SLC4A9: variants seen among roughly 807,000 people sequenced by gnomAD.
SLC4A9 encodes anion exchange protein 4.
Under a neutral mutation model 103.2 loss-of-function variants are expected in SLC4A9, and 102 were observed. That is an observed-to-expected ratio of 0.99 (90% confidence interval 0.84 to 1.17). The LOEUF is 1.17. Among genes scored for constraint, SLC4A9 ranks in the 50% most tolerant of loss-of-function variants. SLC4A9 has a pLI of 0.00. For synonymous variants in SLC4A9, 453 were observed against 483.6 expected, an observed-to-expected ratio of 0.94 and a Z score of 0.83; for missense variants, 1,091 against 1,193.7, an observed-to-expected ratio of 0.91 and a Z score of 1.27.
chr5:140,360,840 G>A lies in SLC4A9; in HGVS notation c.259G>A (p.Val87Met). ...GGTACTGTTTGAGGAGAAGTTGGAGGTGGCTGCAGGCCGGTGGAGTGCCCC... is the reference window on the plus strand; with the variant it reads ...GGTACTGTTTGAGGAGAAGTTGGAGATGGCTGCAGGCCGGTGGAGTGCCCC... ...RWVLFEEKLE[V>M]AAGRWSAPHV... Residue 87 changes from valine to methionine, a missense_variant, in exon 2 of 22, where the codon GTG (valine) becomes ATG (methionine). By Grantham distance (21) the Val-to-Met change is conservative. Coordinates refer to ENST00000506757, the MANE Select transcript of SLC4A9 (RefSeq NM_031467.3). 3 of 1,613,406 alleles carry A rather than the reference G, an allele frequency of 1.9e-6. No homozygotes were observed. The highest frequency in any genetic ancestry group is 4.5e-5 in the East Asian group (2 of 44,862).
In SLC4A9 at chr5:140,372,889, C is replaced by T. The variant is rs112957633; in HGVS notation, c.*45+46C>T. On this transcript the variant is annotated intron_variant, in intron 21 of 21. Transcript: ENST00000506757. ...CTCCTGATGTTGAGGATGGGAGGTG[C>T]GGGTTCAGACCTTGGAACTCTCCAG... The T allele has an allele frequency of 4.8e-3, 5,754 of 1,197,116 alleles. 203 individuals carry two copies. The African/African-American group carries it at 0.077, about 16-fold the overall frequency. 74.2% of individuals were successfully genotyped at this position (1,197,116 alleles called of 1,614,324 possible). A position where few individuals can be genotyped will look rare whatever the true frequency, so the allele number is the denominator to read the frequency against.
rs539035662 is a variant in SLC4A9, at chr5:140,363,613, G to A, written c.1079+58G>A. The A allele has an allele frequency of 2.7e-5, 42 of 1,561,026 alleles. No individual in the cohort carries two copies. Among genetic ancestry groups the A allele is most frequent in the Admixed American group, 5.8e-5 (3 of 52,016 alleles). On this transcript the variant is annotated intron_variant, in intron 8 of 21. Coordinates refer to ENST00000506757, the MANE Select transcript of SLC4A9 (RefSeq NM_031467.3). The surrounding 1 kb of genome is among the most constrained non-coding windows in gnomAD (Gnocchi z 4.5). ...GACCTGGGGGAGGGGAGGAGTCACA[G>A]GGAAACTGAGGTGTGTGCTCACTGT...
chr5:140,372,904 G>A (rs1027337001), intron 21 of SLC4A9, 61 bp downstream of exon 21: 8 of 1,006,222 alleles, frequency 8.0e-6, no homozygotes, highest in Non-Finnish European at 1.0e-5. Flanking sequence ...TCAGACCTTG[G>A]AACTCTCCAG....
In SLC4A9 at chr5:140,364,583, T is replaced by A. The variant is rs780437057; in HGVS notation, c.1609T>A (p.Ser537Thr). 6.2e-7 allele frequency: 1 copy of A among 1,602,694 alleles called. No homozygotes were observed. Among genetic ancestry groups the A allele is most frequent in the African/African-American group, 1.3e-5 (1 of 74,792 alleles). ...TACCTATCCTATCCAGAAGCCTGGG[T>A]CCTCTGCCTACGGGTGCCTCTGCCA... is the stretch of plus-strand genomic sequence containing the variant. Reference protein sequence around the residue: ...THTYPIQKPGSSAYGCLCQYP... With the variant: ...THTYPIQKPGTSAYGCLCQYP... Residue 537 changes from serine (S) to threonine (T), a missense_variant, in exon 11 of 22, where the codon TCC (serine) becomes ACC (threonine). Transcript: ENST00000506757.
At position 140,363,563 on chromosome 5, in the gene SLC4A9, G is replaced by A. The variant is rs1322043951; in HGVS notation, c.1079+8G>A. ...GTTGCAGCGGACCGGCAGGTGAGGC[G>A]AGCTGGGAGGAAACAAGGGTAGGTG... On this transcript the variant is annotated splice_region_variant and intron_variant, in intron 8 of 21. Transcript: ENST00000506757. This position sits in a 1 kb window ranked among gnomAD's most constrained non-coding sequence, Gnocchi z 4.5. The A allele has an allele frequency of 6.4e-7, 1 of 1,552,296 alleles. No individual in the cohort carries two copies. The highest frequency in any genetic ancestry group is 2.4e-5 in the East Asian group (1 of 40,972).
In SLC4A9 at chr5:140,365,834, G is replaced by A. The variant is rs769834397; in HGVS notation, c.1711G>A (p.Asp571Asn). 18 of 1,613,252 alleles carry A rather than the reference G, an allele frequency of 1.1e-5. No individual in the cohort carries two copies. In the Middle Eastern group the frequency reaches 8.2e-4, roughly 74 times the overall value. The change falls in exon 13 of 22, where the codon GAC (aspartate) becomes AAC (asparagine). Residue 571 changes from aspartate to asparagine, a missense_variant and splice_region_variant. By Grantham distance (23) the Asp-to-Asn change is conservative. Transcript: ENST00000506757. ...CCACTCCTGACCCTCCTGTGTACAG[G>A]ACTTAGGCCTGATCAATGCATCCTT... ...PKDRDDIVSM[D>N]LGLINASLLP...
intron 3 of SLC4A9, 142 bp downstream of exon 3, chr5:140,361,509 T>G: frequency 4.2e-6 from 3 of 710,838 alleles, no homozygotes; most frequent in Non-Finnish European, 7.0e-6. Context: ...AAACTGGTGG[T>G]AATGTTGTGG....
rs766630404 is a variant in SLC4A9 at position 140,365,575 on chromosome 5, C to T, written c.1707C>T (p.Ser569=). Residue 569 remains serine (S), a synonymous_variant, in exon 12 of 22, where the codon AGC becomes AGT. Coordinates refer to ENST00000506757, the MANE Select transcript of SLC4A9 (RefSeq NM_031467.3). The part of the protein sequence containing the change: ...TRPKDRDDIV[S]MDLGLINASL... The stretch of plus-strand genomic sequence containing the variant: ...CAAAAGACAGAGACGACATTGTAAG[C>T]ATGGTGAGGGACTGCTCCTGGGAGG... 1.2e-5 allele frequency: 20 copies of T among 1,611,306 alleles called. No homozygotes were observed. Among genetic ancestry groups the T allele is most frequent in the Non-Finnish European group, 1.5e-5 (18 of 1,178,776 alleles).
intron 14 of SLC4A9, among the ~76,000 whole-genome samples, 156 bp downstream of exon 14, chr5:140,366,420 A>C (rs1767898517): frequency 6.6e-6 from 1 of 152,204 alleles, no homozygotes; most frequent in Non-Finnish European, 1.5e-5. Flanking sequence ...GGTTGTCATG[A>C]GGATTAAATG....
At chr5:140,368,705 T>C (rs759998399) in intron 17 of SLC4A9, 46 bp downstream of exon 17, 1 of 1,533,458 alleles carries the variant, frequency 6.5e-7, no homozygotes, top group Admixed American at 1.7e-5. Flanking sequence ...GTAGTAATAA[T>C]AGGAGCACAG....
intron 11 of SLC4A9, among the ~76,000 whole-genome samples, chr5:140,365,108 C>T (rs1767686458): frequency 6.6e-6 from 1 of 152,224 alleles, no homozygotes; most frequent in Non-Finnish European, 1.5e-5. Flanking sequence ...TGGAGAGAGG[C>T]TTGGAGTATT....
At position 140,363,593 on chromosome 5, in the gene SLC4A9, G is replaced by A. The variant is rs1451919670; in HGVS notation, c.1079+38G>A. ...GGGAGGAAACAAGGGTAGGTGACCTGGGGGAGGGGAGGAGTCACAGGGAAA... is the reference window on the plus strand; with the variant it reads ...GGGAGGAAACAAGGGTAGGTGACCTAGGGGAGGGGAGGAGTCACAGGGAAA... On this transcript the variant is annotated intron_variant, in intron 8 of 21. Transcript: ENST00000506757. This position sits in a 1 kb window ranked among gnomAD's most constrained non-coding sequence, Gnocchi z 4.5. The A allele has an allele frequency of 6.4e-7, 1 of 1,553,750 alleles. No individual in the cohort carries two copies. The highest frequency in any genetic ancestry group is 1.2e-5 in the South Asian group (1 of 84,544).
Position 140,360,272 on chromosome 5 carries a change from A to G in SLC4A9, c.36A>G (p.Glu12=). The change falls in exon 1 of 22, where the codon GAA becomes GAG. Residue 12 remains glutamate, a synonymous_variant. Transcript: ENST00000506757. The part of the protein sequence containing the change: ...EMKLPGQEGF[E]ASSAPRNIPS... ...AGCTGCCAGGCCAGGAAGGGTTTGAAGCCTCCAGTGCTCCTAGAAATATTC... is the reference window on the plus strand; with the variant it reads ...AGCTGCCAGGCCAGGAAGGGTTTGAGGCCTCCAGTGCTCCTAGAAATATTC... The G allele has an allele frequency of 6.2e-7, 1 of 1,612,178 alleles. No individual in the cohort carries two copies. The highest frequency in any genetic ancestry group is 8.5e-7 in the Non-Finnish European group (1 of 1,179,122).
intron 5 of SLC4A9, 107 bp downstream of exon 5, chr5:140,362,281 A>T: frequency 7.5e-7 from 1 of 1,332,388 alleles, no homozygotes; most frequent in Non-Finnish European, 1.0e-6. Flanking sequence ...TGTGGGGAGG[A>T]TGGTGCTCAG....
In SLC4A9 at chr5:140,364,171, C is replaced by A. The variant is rs763691109; in HGVS notation, c.1372C>A (p.Leu458Ile). 6.4e-7 allele frequency: 1 copy of A among 1,571,192 alleles called. No homozygotes were observed. The highest frequency in any genetic ancestry group is 8.6e-7 in the Non-Finnish European group (1 of 1,158,438). ...TGPVLVFERL[L>I]FSFSRDYSLD... ...GCCAGTGCTGGTCTTTGAGCGCCTG[C>A]TCTTCTCTTTCAGCAGGTAGGAGAG... The change falls in exon 10 of 22, where the codon CTC becomes ATC. Residue 458 changes from leucine to isoleucine, a missense_variant. By Grantham distance (5) the Leu-to-Ile change is conservative. Transcript: ENST00000506757.
At position 140,363,305 on chromosome 5, in the gene SLC4A9, G is replaced by A; in HGVS notation, c.963-134G>A. 1.1e-6 allele frequency: 1 copy of A among 942,890 alleles called. No homozygotes were observed. Among genetic ancestry groups the A allele is most frequent in the Non-Finnish European group, 1.6e-6 (1 of 628,766 alleles). 58.4% of individuals were successfully genotyped at this position (942,890 alleles called of 1,614,324 possible). On this transcript the variant is annotated intron_variant, in intron 7 of 21. Transcript: ENST00000506757. This position sits in a 1 kb window ranked among gnomAD's most constrained non-coding sequence, Gnocchi z 4.5. ...GCAATATGACCTGGACCTTCTAGAGGCCCAGGTGTCGCCATGGTTCCCTCG... is the reference window on the plus strand; with the variant it reads ...GCAATATGACCTGGACCTTCTAGAGACCCAGGTGTCGCCATGGTTCCCTCG...
Position 140,362,426 on chromosome 5 carries a change from G to A in SLC4A9, c.720-19G>A. 6.2e-7 allele frequency: 1 copy of A among 1,611,698 alleles called. No individual in the cohort carries two copies. On this transcript the variant is annotated intron_variant, in intron 5 of 21. Coordinates refer to ENST00000506757, the MANE Select transcript of SLC4A9 (RefSeq NM_031467.3). ...GGGAAAGCAGCCTGTGAATCTCTGG[G>A]GCCTGGTTCCTTCCTCAGGTTTTTC...
chr5:140,368,518 C>A, intron 16 of SLC4A9, 69 bp from the exon 17 acceptor site: 1 of 1,384,164 alleles, frequency 7.2e-7, no homozygotes, highest in South Asian at 1.3e-5. Context: ...TGGTATTCAG[C>A]CAGGATCTCC....
At chr5:140,372,618 G>C in intron 20 of SLC4A9, 127 bp from the exon 21 acceptor site, 1 of 1,441,632 alleles carries the variant, frequency 6.9e-7, no homozygotes, top group Non-Finnish European at 9.1e-7. Context: ...TGAGGCTTCA[G>C]CTCAAGTGGG....
Sources: allele counts gnomAD v4.1 joint callset (sites outside exome capture counted in the v4.1 genomes callset), GRCh38; gene constraint gnomAD v4.1.1; non-coding constraint Gnocchi (gnomAD v3.1); transcripts MANE v1.5; gene names NCBI Gene and HGNC (gene_info 2026-07-23, HGNC 2026-07-21).